The following ADAMTS9 variants were observed in gnomAD, a reference collection of about 807,000 sequenced individuals.
ADAMTS9 encodes the protein A disintegrin and metalloproteinase with thrombospondin motifs 9.
A neutral mutation model predicts 257.1 loss-of-function variants in ADAMTS9; 107 were observed. The ratio of observed to expected loss-of-function variants is 0.42; its 90% CI spans 0.36 to 0.49. The LOEUF is 0.49. ADAMTS9 is among the 20% of genes least tolerant of loss of function. The pLI is 0.03. For synonymous variants in ADAMTS9, 982 were observed against 880.9 expected (o/e 1.11, Z -2.03); for missense variants, 2,353 against 2,469.1 (o/e 0.95, Z 1.00).
chr3:64,533,081 C>G (rs1229384189), intron 38 of ADAMTS9, 85 bp downstream of exon 38: 2 of 1,274,404 alleles, frequency 1.6e-6, no homozygotes, highest in African/African-American at 3.0e-5. Flanking sequence ...TCGTTTGCTC[C>G]TTCAGCACCA....
intron 29 of ADAMTS9, among the ~76,000 whole-genome samples, chr3:64,567,189 T>C (rs1240302552): frequency 1.3e-5 from 2 of 152,150 alleles, no homozygotes; most frequent in African/African-American, 4.8e-5. Flanking sequence ...CATATTGAAA[T>C]GGAGGATTCT....
In ADAMTS9 at chr3:64,594,258, C is replaced by G; in HGVS notation, c.4356G>C (p.Ser1452=). Reference sequence around the variant, plus strand: ...CAAACATGAATAGTTAGGGCCGTACCGAGCTCCAAGGGCCAGTACTCCATG... The same window carrying G: ...CAAACATGAATAGTTAGGGCCGTACGGAGCTCCAAGGGCCAGTACTCCATG... ...DAAWSTGPWS[S]CSVSCGRGHK... is the part of the protein sequence containing the mutation. The change falls in exon 28 of 40, where the codon TCG becomes TCC. Residue 1452 remains serine, a splice_region_variant and synonymous_variant. Transcript: ENST00000498707. The G allele has an allele frequency of 6.2e-7, 1 of 1,612,784 alleles. No individual in the cohort carries two copies. The highest frequency in any genetic ancestry group is 8.5e-7 in the Non-Finnish European group (1 of 1,179,222).
intron 29 of ADAMTS9, among the ~76,000 whole-genome samples, chr3:64,566,384 G>C (rs951067499): frequency 3.3e-5 from 5 of 152,108 alleles, no homozygotes; most frequent in African/African-American, 1.2e-4. Flanking sequence ...GACATTATAA[G>C]GCTGGCCACA....
At chr3:64,608,899 A>C (rs573640991) in intron 22 of ADAMTS9, among the ~76,000 whole-genome samples, 1 of 152,262 alleles carries the variant, frequency 6.6e-6, no homozygotes, top group South Asian at 2.1e-4. Context: ...AATTGAATCC[A>C]ATAGCATACT....
intron 28 of ADAMTS9, among the ~76,000 whole-genome samples, chr3:64,575,369 T>C (rs3935273): frequency 0.6 from 90,830 of 152,066 alleles, 28,536 homozygotes; most frequent in African/African-American, 0.78. Context: ...AAGAATCTTC[T>C]GTCCCTAGCA....
intron 22 of ADAMTS9, among the ~76,000 whole-genome samples, chr3:64,608,739 AG>A (rs2084610822): frequency 6.6e-6 from 1 of 151,368 alleles, no homozygotes; most frequent in African/African-American, 2.4e-5. Context: ...AAATGCTTTC[AG>A]AAAAAAAAAA....
At chr3:64,591,858 T>A (rs2106783674) in intron 28 of ADAMTS9, among the ~76,000 whole-genome samples, 1 of 152,300 alleles carries the variant, frequency 6.6e-6, no homozygotes, top group Middle Eastern at 3.4e-3. Context: ...TGGTCCCTAA[T>A]AAATCTAAGT....
chr3:64,615,230 G>T, intron 21 of ADAMTS9, 91 bp downstream of exon 21: 1 of 1,409,100 alleles, frequency 7.1e-7, no homozygotes, highest in Non-Finnish European at 9.7e-7. Flanking sequence ...GTGGGAGAAA[G>T]GTGCACAAGG....
intron 38 of ADAMTS9, among the ~76,000 whole-genome samples, chr3:64,526,989 T>C (rs2082918422): frequency 6.6e-6 from 1 of 152,236 alleles, no homozygotes; most frequent in South Asian, 2.1e-4. Flanking sequence ...ACTGGATTTA[T>C]ACCATTATTG....
intron 3 of ADAMTS9, among the ~76,000 whole-genome samples, chr3:64,666,080 A>T (rs66664380): frequency 0.18 from 27,359 of 152,172 alleles, 2,954 homozygotes; most frequent in Non-Finnish European, 0.25. Context: ...AAAATTTAAG[A>T]TAGTATCCTT....
rs748121775 is a variant in ADAMTS9, at chr3:64,594,288, G to A, written c.4326C>T (p.Asp1442=). The change falls in exon 28 of 40, where the codon GAC becomes GAT. Residue 1442 remains aspartate (D), a synonymous_variant. Transcript: ENST00000498707. ...EQCNTHACPH[D]AAWSTGPWSS... is the part of the protein sequence containing the mutation. ...TCCAAGGGCCAGTACTCCATGCAGC[G>A]TCGTGTGGACAAGCATGTGTGTTAC... is the stretch of plus-strand genomic sequence containing the variant. 19 of 1,613,942 alleles carry A rather than the reference G, an allele frequency of 1.2e-5. No homozygotes were observed. The highest frequency in any genetic ancestry group is 9.9e-5 in the South Asian group (9 of 91,076).
chr3:64,669,763 T>C (rs1231466971), intron 3 of ADAMTS9, among the ~76,000 whole-genome samples: 1 of 151,026 alleles, frequency 6.6e-6, no homozygotes, highest in Non-Finnish European at 1.5e-5. Context: ...ACAAAAGGAG[T>C]GGACTTTTGC....
At chr3:64,628,103 G>T (rs1215590667) in intron 16 of ADAMTS9, among the ~76,000 whole-genome samples, 1 of 152,140 alleles carries the variant, frequency 6.6e-6, no homozygotes, top group Non-Finnish European at 1.5e-5. Context: ...CTTCTAGAGA[G>T]ACTTCCTTAT....
chr3:64,586,701 T>A (rs1283647836), intron 28 of ADAMTS9: 1 of 152,098 alleles, frequency 6.6e-6, no homozygotes, highest in Non-Finnish European at 1.5e-5. Flanking sequence ...AATAAGAGGT[T>A]TTTTTCTTTT....
chr3:64,560,708 G>T (rs1475457618), intron 30 of ADAMTS9, among the ~76,000 whole-genome samples: 3 of 152,128 alleles, frequency 2.0e-5, no homozygotes, highest in Non-Finnish European at 4.4e-5. Flanking sequence ...AGTGCCAGGG[G>T]TACAGTCTAA....
At position 64,648,019 on chromosome 3, in the gene ADAMTS9, T is replaced by C. The variant is rs747645969; in HGVS notation, c.1631A>G (p.Asn544Ser). 18 of 1,613,274 alleles carry C rather than the reference T, an allele frequency of 1.1e-5. 1 individual carries two copies. The highest frequency in any genetic ancestry group is 6.6e-5 in the South Asian group (6 of 91,062). Reference sequence around the variant, plus strand: ...GCCTTTGTGTACTCCATTGACGTTATTGCACCAGAGCCGTCTGCACTGCAT... The same window carrying C: ...GCCTTTGTGTACTCCATTGACGTTACTGCACCAGAGCCGTCTGCACTGCAT... ...YMMQCRRLWCNNVNGVHKGCR... is the reference protein window; with the variant it reads ...YMMQCRRLWCSNVNGVHKGCR... Residue 544 changes from asparagine (N) to serine (S), a missense_variant, in exon 11 of 40, where the codon AAT (asparagine) becomes AGT (serine). Physicochemically the swap from Asn to Ser is conservative, Grantham distance 46. This residue lies in a region of ADAMTS9 where 360 missense variants were observed against 458.1 expected (regional missense o/e 0.79). Transcript: ENST00000498707.
intron 31 of ADAMTS9, among the ~76,000 whole-genome samples, chr3:64,547,353 ACAG>A (rs10538274): frequency 0.92 from 139,475 of 151,818 alleles, 64,655 homozygotes; most frequent in East Asian, 1. Flanking sequence ...GGAAGAGGAG[ACAG>A]CAGCAGCTGA....
intron 16 of ADAMTS9, among the ~76,000 whole-genome samples, chr3:64,630,329 C>T (rs956959195): frequency 1.3e-5 from 2 of 152,124 alleles, no homozygotes; most frequent in African/African-American, 2.4e-5. Context: ...TTTGGGAGGC[C>T]AAGGCAGGAA....
intron 36 of ADAMTS9, among the ~76,000 whole-genome samples, chr3:64,540,005 G>A (rs1325000487): frequency 6.6e-6 from 1 of 152,212 alleles, no homozygotes; most frequent in Non-Finnish European, 1.5e-5. Flanking sequence ...GAGACTGGAG[G>A]CCAGAGGCAG....
Sources: allele counts gnomAD v4.1 joint callset (sites outside exome capture counted in the v4.1 genomes callset), GRCh38; gene constraint gnomAD v4.1.1; regional missense constraint gnomAD v4.1.1; transcripts MANE v1.5; gene names NCBI Gene and HGNC (gene_info 2026-07-23, HGNC 2026-07-21).